Variants in PCBP2 observed in about 807,000 individuals in gnomAD.
PCBP2 encodes poly(rC) binding protein 2.
A neutral mutation model predicts 50.1 loss-of-function variants in PCBP2; 4 were observed. The ratio of observed to expected loss-of-function variants is 0.08; its 90% CI spans 0.04 to 0.18. PCBP2 has a LOEUF of 0.18. Among genes scored for constraint, PCBP2 ranks in the 10% least tolerant of loss-of-function variants. PCBP2 has a pLI of 1.00. For missense variants in PCBP2, 161 were observed against 474.3 expected (o/e 0.34, Z 6.14); for synonymous variants, 179 against 168.0 (o/e 1.07, Z -0.51).
At chr12:53,454,546 G>A in intron 1 of PCBP2, 180 bp from the exon 2 acceptor site, 1 of 489,234 alleles carries the variant, frequency 2.0e-6, no homozygotes, top group East Asian at 3.8e-5. Flanking sequence ...CTTCTATACT[G>A]TGTAACAGAA....
At position 53,467,318 on chromosome 12, in the gene PCBP2, C is replaced by G. The variant is rs568322910; in HGVS notation, c.787+25C>G. 1.9e-6 allele frequency: 3 copies of G among 1,582,264 alleles called. No individual in the cohort carries two copies. In the African/African-American group the frequency reaches 4.0e-5, roughly 21 times the overall value. On this transcript the variant is annotated intron_variant, in intron 11 of 14. Transcript: ENST00000546463. ...GGTATGGATACCTCAGTGTTTATTTCTGTAAGGTGTAGTGCAAGAGAGAGG... is the reference window on the plus strand; with the variant it reads ...GGTATGGATACCTCAGTGTTTATTTGTGTAAGGTGTAGTGCAAGAGAGAGG...
chr12:53,470,762 T>TG (rs1942172557), intron 13 of PCBP2, among the ~76,000 whole-genome samples: 2 of 151,290 alleles, frequency 1.3e-5, no homozygotes, highest in East Asian at 1.9e-4. Flanking sequence ...ACCAGTTTTT[T>TG]TTTTTTTTTT....
intron 14 of PCBP2, among the ~76,000 whole-genome samples, chr12:53,474,010 T>G (rs959571660): frequency 1.3e-5 from 2 of 152,224 alleles, no homozygotes; most frequent in Non-Finnish European, 2.9e-5. Context: ...CCAGGCACAC[T>G]TCCCAAATAT....
intron 1 of PCBP2, chr12:53,452,958 A>T (rs1225248742): frequency 6.6e-6 from 1 of 152,000 alleles, no homozygotes; most frequent in African/African-American, 2.4e-5. Context: ...TGCCGAGTTA[A>T]TCAGGACGTT....
chr12:53,460,767 C>CTT (rs1941398727), intron 6 of PCBP2: 1 of 348,484 alleles, frequency 2.9e-6, no homozygotes. Context: ...GGACCTTTTG[C>CTT]TTGAGAGTAG....
At chr12:53,455,541 T>G in intron 4 of PCBP2, 48 bp downstream of exon 4, 27 of 1,582,066 alleles carry the variant, frequency 1.7e-5, no homozygotes, top group Non-Finnish European at 2.3e-5. Flanking sequence ...GTAAAAAACC[T>G]TTAAAACAAG....
At chr12:53,472,745 A>G (rs757790989) in intron 14 of PCBP2, among the ~76,000 whole-genome samples, 2 of 152,184 alleles carry the variant, frequency 1.3e-5, no homozygotes, top group Non-Finnish European at 2.9e-5. Context: ...TGTACTGACC[A>G]TGTATATATG....
chr12:53,462,448 A>G, intron 7 of PCBP2, 45 bp from the exon 8 acceptor site: 1 of 1,538,020 alleles, frequency 6.5e-7, no homozygotes, highest in South Asian at 1.1e-5. Flanking sequence ...AGCAGCTTTG[A>G]AACCTTATCT....
chr12:53,480,431 C>T lies in PCBP2; in HGVS notation c.*989C>T, dbSNP rs1320197995. ...GACACCTCAGATAAAGTCCGGAGCC[C>T]AAGGCTTTATCTTAACCATGTATGG... On this transcript the variant is annotated 3_prime_UTR_variant, in exon 15 of 15. Coordinates refer to ENST00000546463, the MANE Select transcript of PCBP2 (RefSeq NM_031989.5). 2.0e-5 allele frequency: 3 copies of T among 152,346 alleles called. No individual in the cohort carries two copies. Among genetic ancestry groups the T allele is most frequent in the African/African-American group, 7.3e-5 (3 of 41,316 alleles). 9.4% of individuals were successfully genotyped at this position (152,346 alleles called of 1,614,324 possible). A position where few individuals can be genotyped will look rare whatever the true frequency, so the allele number is the denominator to read the frequency against.
intron 9 of PCBP2, 183 bp downstream of exon 9, chr12:53,465,035 A>C: frequency 3.4e-6 from 2 of 594,884 alleles, no homozygotes; most frequent in South Asian, 6.5e-5. Flanking sequence ...CCAGATGGTA[A>C]CACCAACTTT....
intron 6 of PCBP2, 193 bp from the exon 7 acceptor site, chr12:53,460,822 G>T (rs1377101627): frequency 1.9e-6 from 1 of 512,894 alleles, no homozygotes; most frequent in East Asian, 3.7e-5. Context: ...TCTTTCAGTG[G>T]CTAATTTATT....
chr12:53,466,588 A>G (rs769169780), intron 10 of PCBP2, among the ~76,000 whole-genome samples: 12 of 152,224 alleles, frequency 7.9e-5, no homozygotes, highest in Non-Finnish European at 1.5e-4. Context: ...GCTGAGCATT[A>G]TTAGACTTGG....
chr12:53,452,652 C>T (rs1339770765), intron 1 of PCBP2, among the ~76,000 whole-genome samples: 2 of 148,964 alleles, frequency 1.3e-5, no homozygotes, highest in South Asian at 2.2e-4. Flanking sequence ...GTAGGGGGGG[C>T]GGCGGTGGAT....
rs1258800024 is a variant in PCBP2, at chr12:53,452,177, G to A, written c.-275G>A. On this transcript the variant is annotated 5_prime_UTR_variant, in exon 1 of 15. Coordinates refer to ENST00000546463, the MANE Select transcript of PCBP2 (RefSeq NM_031989.5). ...CCGCCCGCCCGCCCTCCGCCCGCCCGCCCGCCCTCCGCCGCCCTCCACCCG... is the reference window on the plus strand; with the variant it reads ...CCGCCCGCCCGCCCTCCGCCCGCCCACCCGCCCTCCGCCGCCCTCCACCCG... 3 of 28,530 alleles carry A rather than the reference G, an allele frequency of 1.1e-4. No individual in the cohort carries two copies. The highest frequency in any genetic ancestry group is 1.0e-3 in the South Asian group (1 of 992). 1.8% of individuals were successfully genotyped at this position (28,530 alleles called of 1,614,324 possible).
chr12:53,462,637 C>A, intron 8 of PCBP2, 70 bp downstream of exon 8: 2 of 1,222,588 alleles, frequency 1.6e-6, no homozygotes, highest in South Asian at 1.3e-5. Context: ...TTGCCAGCAT[C>A]ACACCAAGCC....
intron 14 of PCBP2, chr12:53,475,258 A>AT: frequency 2.4e-6 from 1 of 422,718 alleles, no homozygotes; most frequent in Non-Finnish European, 4.8e-6. Flanking sequence ...TATTTTGTTC[A>AT]TTTTGTTTTC....
chr12:53,469,398 G>A (rs1001657445), intron 13 of PCBP2, among the ~76,000 whole-genome samples: 1 of 152,086 alleles, frequency 6.6e-6, no homozygotes, highest in Non-Finnish European at 1.5e-5. Context: ...TGTGAGGTAT[G>A]ACGAGACAGC....
chr12:53,460,545 CT>C (rs1941381251), intron 6 of PCBP2: 1 of 204,062 alleles, frequency 4.9e-6, no homozygotes. Context: ...ACTCGAATGG[CT>C]GCTTGAGTTT....
chr12:53,453,300 C>G (rs1161513518), intron 1 of PCBP2: 1 of 150,998 alleles, frequency 6.6e-6, no homozygotes, highest in Non-Finnish European at 1.5e-5. Context: ...AATTAAACTA[C>G]CAGGTCTTTA....
Sources: allele counts gnomAD v4.1 joint callset (sites outside exome capture counted in the v4.1 genomes callset), GRCh38; gene constraint gnomAD v4.1.1; transcripts MANE v1.5; gene names NCBI Gene and HGNC (gene_info 2026-07-23, HGNC 2026-07-21).